Variants in SBF2 observed in about 807,000 individuals in gnomAD.
SBF2 encodes myotubularin-related protein 13.
A neutral mutation model predicts 225.2 loss-of-function variants in SBF2; 112 were observed. The observed-to-expected ratio is 0.50, with a 90% CI of 0.43 to 0.58. The LOEUF is 0.58. SBF2 is among the 20% of genes least tolerant of loss of function. The pLI is 0.00. For synonymous variants in SBF2, 763 were observed against 773.3 expected, an observed-to-expected ratio of 0.99 and a Z score of 0.22; for missense variants, 1,996 against 2,206.2, an observed-to-expected ratio of 0.90 and a Z score of 1.91.
At chr11:9,916,984 C>T (rs1488114083) in intron 16 of SBF2, among the ~76,000 whole-genome samples, 1 of 151,558 alleles carries the variant, frequency 6.6e-6, no homozygotes, top group Non-Finnish European at 1.5e-5. Flanking sequence ...CCCTTATCAA[C>T]CAAATGGATT....
At chr11:9,909,410 G>A (rs1206836522) in intron 16 of SBF2, among the ~76,000 whole-genome samples, 1 of 151,846 alleles carries the variant, frequency 6.6e-6, no homozygotes, top group African/African-American at 2.4e-5. Flanking sequence ...GGTGGCTTAC[G>A]CCTGTAATCC....
chr11:10,031,410 A>G (rs188430752), intron 3 of SBF2, among the ~76,000 whole-genome samples: 315 of 152,354 alleles, frequency 2.1e-3, no homozygotes, highest in African/African-American at 7.2e-3. Context: ...CTCCAGACAT[A>G]TAACACAACT....
At chr11:10,213,505 G>C (rs1168000744) in intron 1 of SBF2, among the ~76,000 whole-genome samples, 3 of 152,146 alleles carry the variant, frequency 2.0e-5, no homozygotes, top group Non-Finnish European at 4.4e-5. Flanking sequence ...GCACCTCTCT[G>C]AATTTGATTT....
chr11:10,255,268 T>C (rs1399648651), intron 1 of SBF2, among the ~76,000 whole-genome samples: 1 of 152,242 alleles, frequency 6.6e-6, no homozygotes, highest in Non-Finnish European at 1.5e-5. Flanking sequence ...AGTAAGTTAA[T>C]GTATATGTTA....
At chr11:10,184,050 C>T (rs892307651) in intron 2 of SBF2, among the ~76,000 whole-genome samples, 10 of 152,100 alleles carry the variant, frequency 6.6e-5, no homozygotes, top group African/African-American at 2.4e-4. Flanking sequence ...TAATTTGATT[C>T]CACCATTATA....
At chr11:10,085,173 A>C (rs1951515463) in intron 2 of SBF2, among the ~76,000 whole-genome samples, 1 of 152,220 alleles carries the variant, frequency 6.6e-6, no homozygotes, top group Non-Finnish European at 1.5e-5. Flanking sequence ...CTGTTTTTTC[A>C]GGCTGACTTC....
intron 13 of SBF2, among the ~76,000 whole-genome samples, 192 bp downstream of exon 13, chr11:9,989,305 G>A (rs542177462): frequency 6.6e-6 from 1 of 152,062 alleles, no homozygotes; most frequent in Non-Finnish European, 1.5e-5. Flanking sequence ...AAGAGTGGGA[G>A]GGAGGCGAGG....
At chr11:9,906,112 A>G (rs1413134519) in intron 16 of SBF2, among the ~76,000 whole-genome samples, 1 of 152,190 alleles carries the variant, frequency 6.6e-6, no homozygotes, top group African/African-American at 2.4e-5. Flanking sequence ...GGACACTGCT[A>G]TGCACAAGAA....
intron 17 of SBF2, among the ~76,000 whole-genome samples, chr11:9,887,990 A>G (rs534890863): frequency 4.7e-4 from 71 of 152,272 alleles, no homozygotes; most frequent in African/African-American, 1.7e-3. Flanking sequence ...TTATATTTCT[A>G]TAAGATTTTT....
intron 34 of SBF2, 139 bp from the exon 35 acceptor site, chr11:9,789,481 T>A: frequency 1.6e-6 from 1 of 638,664 alleles, no homozygotes. Context: ...TCTAAATATT[T>A]AAAAATCATA....
intron 17 of SBF2, among the ~76,000 whole-genome samples, chr11:9,865,688 CA>C (rs1174863548): frequency 6.7e-5 from 1 of 14,842 alleles, no homozygotes; most frequent in Non-Finnish European, 1.1e-4. Flanking sequence ...AAAACTGTCT[CA>C]AAAAAAAAAA....
At position 9,816,985 on chromosome 11, in the gene SBF2, C is replaced by G; in HGVS notation, c.3833G>C (p.Ser1278Thr). ...ASLRSSTRLI[S>T]SPTSFIDVGA... Reference sequence around the variant, plus strand: ...AACATCAATGAAGGATGTTGGAGAGCTGATCAAGCGAGTGCTAGAGCGAAG... The same window carrying G: ...AACATCAATGAAGGATGTTGGAGAGGTGATCAAGCGAGTGCTAGAGCGAAG... Residue 1278 changes from serine (S) to threonine (T), a missense_variant, in exon 29 of 40, where the codon AGC becomes ACC. Physicochemically the swap from Ser to Thr is moderately conservative, Grantham distance 58 (BLOSUM62 1). Coordinates refer to ENST00000256190, the MANE Select transcript of SBF2 (RefSeq NM_030962.4). The G allele has an allele frequency of 6.2e-7, 1 of 1,614,150 alleles. No individual in the cohort carries two copies. The highest frequency in any genetic ancestry group is 1.1e-5 in the South Asian group (1 of 91,084).
chr11:9,788,383 G>A (rs543724113), intron 35 of SBF2, among the ~76,000 whole-genome samples: 11 of 152,208 alleles, frequency 7.2e-5, no homozygotes, highest in East Asian at 3.9e-4. Context: ...GGTTGGTTCC[G>A]GAACATTCCT....
At chr11:10,106,516 G>A (rs918805116) in intron 2 of SBF2, among the ~76,000 whole-genome samples, 2 of 151,746 alleles carry the variant, frequency 1.3e-5, no homozygotes, top group African/African-American at 2.4e-5. Context: ...GTAGTCCCAG[G>A]TGGCGTATGC....
At chr11:9,889,465 A>C (rs961392342) in intron 17 of SBF2, among the ~76,000 whole-genome samples, 1 of 152,246 alleles carries the variant, frequency 6.6e-6, no homozygotes, top group Non-Finnish European at 1.5e-5. Context: ...GCAATAAAGA[A>C]ATTAAATAAC....
intron 16 of SBF2, among the ~76,000 whole-genome samples, chr11:9,899,201 A>G (rs1216522293): frequency 6.6e-6 from 1 of 152,058 alleles, no homozygotes; most frequent in Admixed American, 6.5e-5. Context: ...GAGCAATAAA[A>G]TAGTCACTTG....
chr11:10,183,862 A>G (rs767254469), intron 2 of SBF2, among the ~76,000 whole-genome samples: 1 of 152,228 alleles, frequency 6.6e-6, no homozygotes, highest in Admixed American at 6.5e-5. Context: ...AAGGAAAGGA[A>G]GAGATTGGTT....
chr11:9,817,121 G>T, intron 28 of SBF2, 97 bp from the exon 29 acceptor site: 1 of 1,301,488 alleles, frequency 7.7e-7, no homozygotes, highest in Non-Finnish European at 1.1e-6. Flanking sequence ...AGTTTTAGAG[G>T]TCATAGCAAG....
At chr11:10,129,762 G>T (rs1033049473) in intron 2 of SBF2, among the ~76,000 whole-genome samples, 1 of 152,144 alleles carries the variant, frequency 6.6e-6, no homozygotes, top group Non-Finnish European at 1.5e-5. Flanking sequence ...GTAGCAGTTT[G>T]GGAGGCCAAA....
Sources: gnomAD v4.1 joint callset for allele counts (sites outside exome capture counted in the v4.1 genomes callset) on GRCh38, gnomAD v4.1.1 for gene constraint, MANE v1.5 for transcripts, NCBI Gene and HGNC (gene_info 2026-07-23, HGNC 2026-07-21) for gene names.